The following RIMKLB variants were observed in gnomAD, a reference collection of about 807,000 sequenced individuals.
RIMKLB encodes the protein ribosomal modification protein rimK like family member B.
RIMKLB carries 7 observed loss-of-function variants against 32.0 expected under a neutral mutation model. That is an observed-to-expected ratio of 0.22 (90% CI 0.12 to 0.41). RIMKLB has a LOEUF of 0.41. Among genes scored for constraint, RIMKLB ranks in the 10% least tolerant of loss-of-function variants. The pLI is 1.00. For missense variants in RIMKLB, 289 were observed against 498.7 expected (o/e 0.58, Z 4.00); for synonymous variants, 172 against 185.1 (o/e 0.93, Z 0.57).
chr12:8,761,060 A>AT (rs1949478814), intron 5 of RIMKLB, among the ~76,000 whole-genome samples: 1 of 151,942 alleles, frequency 6.6e-6, no homozygotes, highest in Non-Finnish European at 1.5e-5. Flanking sequence ...ATTAAAAATA[A>AT]TTTTTCTGGC....
chr12:8,716,029 A>C (rs184423791), intron 2 of RIMKLB, among the ~76,000 whole-genome samples: 209 of 152,314 alleles, frequency 1.4e-3, no homozygotes, highest in Non-Finnish European at 2.4e-3. Context: ...ATGTTCTTGA[A>C]GTCTGCATGA....
At chr12:8,767,311 C>T (rs962393318) in intron 5 of RIMKLB, among the ~76,000 whole-genome samples, 11 of 152,268 alleles carry the variant, frequency 7.2e-5, no homozygotes, top group Non-Finnish European at 1.2e-4. Context: ...GGAACAGGTC[C>T]CACATAACTG....
intron 5 of RIMKLB, among the ~76,000 whole-genome samples, chr12:8,764,639 G>A (rs1426757406): frequency 6.6e-6 from 1 of 152,152 alleles, no homozygotes; most frequent in Non-Finnish European, 1.5e-5. Context: ...GGGGCTCTGT[G>A]AGGTCGATGG....
In RIMKLB at chr12:8,773,893, G is replaced by A; in HGVS notation, c.*109G>A. ...ATGGAGGATGCTCAGGAAGATGAGAGAAAATTAGTAGGATTAGTTGGAGAG... is the reference window on the plus strand; with the variant it reads ...ATGGAGGATGCTCAGGAAGATGAGAAAAAATTAGTAGGATTAGTTGGAGAG... On this transcript the variant is annotated 3_prime_UTR_variant, in exon 6 of 6. Transcript: ENST00000535829. 1 of 1,458,748 alleles carries A rather than the reference G, an allele frequency of 6.9e-7. No homozygotes were observed. The allele number at this position is 1,458,748 out of a possible 1,614,324, so 90.4% of individuals were successfully genotyped here.
chr12:8,731,117 A>G (rs1946498393), intron 2 of RIMKLB, among the ~76,000 whole-genome samples: 2 of 140,192 alleles, frequency 1.4e-5, no homozygotes, highest in Admixed American at 1.4e-4. Context: ...TTTCTTTGAG[A>G]CGGAGTTTCG....
intron 2 of RIMKLB, among the ~76,000 whole-genome samples, chr12:8,747,058 C>T (rs1948164579): frequency 6.6e-6 from 1 of 152,028 alleles, no homozygotes. Flanking sequence ...GTATAATTGT[C>T]ATCTTGGTGG....
chr12:8,677,507 A>T (rs1942350048), upstream of RIMKLB, among the ~76,000 whole-genome samples: 1 of 152,090 alleles, frequency 6.6e-6, no homozygotes, highest in Non-Finnish European at 1.5e-5. Context: ...ATTACTCTTA[A>T]CAGAGTCCTA....
intron 2 of RIMKLB, among the ~76,000 whole-genome samples, chr12:8,743,944 CAA>C (rs1565604997): frequency 6.6e-6 from 1 of 151,802 alleles, no homozygotes; most frequent in African/African-American, 2.4e-5. Context: ...ATTAAAAAGA[CAA>C]TATGTGTTAG....
Position 8,714,053 on chromosome 12 carries a change from T to C in RIMKLB, c.175+12T>C, listed in dbSNP as rs780090294. The C allele has an allele frequency of 5.6e-6, 9 of 1,610,794 alleles. No individual in the cohort carries two copies. The highest frequency in any genetic ancestry group is 6.8e-6 in the Non-Finnish European group (8 of 1,177,376). On this transcript the variant is annotated intron_variant, in intron 2 of 5. Transcript: ENST00000535829. Reference sequence around the variant, plus strand: ...GCAAGGAAACCTGGGTAAGTCTGTATACTAAGTGATCTTTTGGATTTTTAC... The same window carrying C: ...GCAAGGAAACCTGGGTAAGTCTGTACACTAAGTGATCTTTTGGATTTTTAC...
intron 2 of RIMKLB, among the ~76,000 whole-genome samples, chr12:8,718,219 G>T (rs1481600840): frequency 6.6e-6 from 1 of 152,142 alleles, no homozygotes; most frequent in Admixed American, 6.5e-5. Context: ...GCAGGTTTTT[G>T]TTGTTGTTGT....
chr12:8,708,630 G>A (rs1484881473), intron 1 of RIMKLB, among the ~76,000 whole-genome samples: 1 of 152,052 alleles, frequency 6.6e-6, no homozygotes, highest in Non-Finnish European at 1.5e-5. Flanking sequence ...ATTATTCCTC[G>A]GGTTGGTCTA....
chr12:8,703,870 A>G (rs1332496778), intron 1 of RIMKLB, among the ~76,000 whole-genome samples: 1 of 152,242 alleles, frequency 6.6e-6, no homozygotes, highest in African/African-American at 2.4e-5. Context: ...TGTTTGGTAC[A>G]TATAATTACT....
the RIMKLB span, among the ~76,000 whole-genome samples, chr12:8,676,133 C>T: frequency 2.0e-5 from 3 of 151,982 alleles, no homozygotes; most frequent in East Asian, 1.9e-4. Context: ...AGTGCAGTAG[C>T]GTGATCTTGG....
At position 8,744,458 on chromosome 12, in the gene RIMKLB, C is replaced by T. The variant is rs778143751; in HGVS notation, c.176-5404C>T. Among the ~76,000 whole-genome samples the T allele has an allele frequency of 7.9e-5, 12 of 151,886 alleles. No homozygotes were observed. The East Asian group carries it at 1.9e-3, about 24-fold the overall frequency. ...TTTTAAAAAGGAGCAAAAGCTGTTT[C>T]CAGGTTAGCATAATGACAAGGTAAT... On this transcript the variant is annotated intron_variant, in intron 2 of 5. Coordinates refer to ENST00000535829, the MANE Select transcript of RIMKLB (RefSeq NM_001297776.2).
intron 2 of RIMKLB, among the ~76,000 whole-genome samples, chr12:8,717,432 CTT>C (rs150157505): frequency 2.0e-5 from 3 of 148,556 alleles, no homozygotes; most frequent in South Asian, 4.3e-4. Flanking sequence ...TTTCCTTTTC[CTT>C]TTTTTTTTCC....
At chr12:8,713,134 C>T (rs1295870437) in intron 1 of RIMKLB, among the ~76,000 whole-genome samples, 1 of 152,090 alleles carries the variant, frequency 6.6e-6, no homozygotes, top group Non-Finnish European at 1.5e-5. Context: ...TGAGTAAGAG[C>T]GTGCTGTCCT....
chr12:8,705,708 A>T (rs1943814241), intron 1 of RIMKLB, among the ~76,000 whole-genome samples: 1 of 152,188 alleles, frequency 6.6e-6, no homozygotes, highest in African/African-American at 2.4e-5. Context: ...CATTTAGCTT[A>T]TGATTGCGGA....
upstream of RIMKLB, among the ~76,000 whole-genome samples, chr12:8,695,298 TA>T (rs1218769221): frequency 1.3e-5 from 2 of 151,438 alleles, no homozygotes; most frequent in East Asian, 3.9e-4. Flanking sequence ...AAAAACTACT[TA>T]AAATATTTTT....
chr12:8,782,919 T>G (rs771658994), exon 8 of RIMKLB: 1 of 152,216 alleles, frequency 6.6e-6, no homozygotes, highest in Non-Finnish European at 1.5e-5. Flanking sequence ...TAGGTTCTTT[T>G]GAAGTAACCA....
Sources: gnomAD v4.1 joint callset for allele counts (sites outside exome capture counted in the v4.1 genomes callset) on GRCh38, gnomAD v4.1.1 for gene constraint, MANE v1.5 for transcripts, NCBI Gene and HGNC (gene_info 2026-07-23, HGNC 2026-07-21) for gene names.